The following AMPH variants were observed in gnomAD, a reference collection of about 807,000 sequenced individuals.
AMPH encodes the protein amphiphysin.
In AMPH, 49 loss-of-function variants were observed where a neutral mutation model predicts 99.1. That is an observed-to-expected ratio of 0.49 (90% CI 0.39 to 0.63). AMPH has a LOEUF of 0.63. Ranked by LOEUF, AMPH falls within the 20% of genes least tolerant of loss-of-function variation. AMPH has a pLI of 0.00. For missense variants in AMPH, 759 were observed against 863.4 expected (o/e 0.88, Z 1.52); for synonymous variants, 314 against 317.3 (o/e 0.99, Z 0.11).
chr7:38,438,260 T>C (rs1446633921), intron 11 of AMPH, among the ~76,000 whole-genome samples: 2 of 152,238 alleles, frequency 1.3e-5, no homozygotes, highest in African/African-American at 4.8e-5. Flanking sequence ...TCTTGCCATG[T>C]TCTCCAGACT....
intron 5 of AMPH, among the ~76,000 whole-genome samples, chr7:38,478,046 C>T (rs770052681): frequency 2.1e-5 from 3 of 145,882 alleles, no homozygotes; most frequent in Admixed American, 1.4e-4. Flanking sequence ...AAAACAAGGC[C>T]GGGAAAGGAT....
At chr7:38,391,667 T>C (rs1784498224) in intron 19 of AMPH, 81 bp downstream of exon 19, 3 of 1,458,256 alleles carry the variant, frequency 2.1e-6, no homozygotes, top group Non-Finnish European at 2.8e-6. Context: ...AAAGTAAAAG[T>C]AAAAACTGGA....
chr7:38,541,505 A>G (rs549344159), intron 1 of AMPH, among the ~76,000 whole-genome samples: 1 of 152,202 alleles, frequency 6.6e-6, no homozygotes, highest in Non-Finnish European at 1.5e-5. Flanking sequence ...ATTGTCCTCC[A>G]GCTTCCCCTC....
intron 1 of AMPH, among the ~76,000 whole-genome samples, chr7:38,624,017 G>T (rs1794157163): frequency 6.6e-6 from 1 of 152,102 alleles, no homozygotes; most frequent in African/African-American, 2.4e-5. Context: ...AATTACATTT[G>T]CTGTACTATT....
chr7:38,445,012 C>T (rs1444135535), intron 11 of AMPH, among the ~76,000 whole-genome samples: 2,562 of 132,024 alleles, frequency 0.019, 179 homozygotes, highest in South Asian at 0.055. Flanking sequence ...TATATATATA[C>T]ACACACACAC....
At chr7:38,410,911 A>G (rs1294254152) in intron 17 of AMPH, among the ~76,000 whole-genome samples, 1 of 152,238 alleles carries the variant, frequency 6.6e-6, no homozygotes, top group Non-Finnish European at 1.5e-5. Flanking sequence ...ACATCCATCA[A>G]GTCTAAGCAT....
At chr7:38,525,277 T>TATATATATATATATATAGAGAG (rs1481528083) in intron 2 of AMPH, among the ~76,000 whole-genome samples, 13 of 86,646 alleles carry the variant, frequency 1.5e-4, no homozygotes, top group African/African-American at 4.7e-4. Flanking sequence ...TATATATATA[T>TATATATATATATATATAGAGAG]AGAGAGAGAG....
At chr7:38,543,281 C>A (rs80194825) in intron 1 of AMPH, among the ~76,000 whole-genome samples, 125 of 152,078 alleles carry the variant, frequency 8.2e-4, no homozygotes, top group African/African-American at 2.9e-3. Flanking sequence ...TAAAAAAACG[C>A]TGACCTGCTG....
At chr7:38,536,234 C>A (rs1790594618) in intron 1 of AMPH, among the ~76,000 whole-genome samples, 1 of 151,992 alleles carries the variant, frequency 6.6e-6, no homozygotes, top group South Asian at 2.1e-4. Context: ...TACTTGCTGC[C>A]TTTAAAAAGT....
intron 3 of AMPH, among the ~76,000 whole-genome samples, chr7:38,500,392 CT>C (rs775405113): frequency 1.3e-4 from 20 of 152,298 alleles, no homozygotes; most frequent in Middle Eastern, 3.4e-3. Flanking sequence ...GATAGAATTC[CT>C]TTCTCCGTCA....
At chr7:38,569,707 A>G (rs1791874861) in intron 1 of AMPH, among the ~76,000 whole-genome samples, 1 of 152,172 alleles carries the variant, frequency 6.6e-6, no homozygotes, top group Non-Finnish European at 1.5e-5. Context: ...CAGGGTTTTG[A>G]CAGGTGGGGA....
chr7:38,467,901 A>C (rs950712135), intron 7 of AMPH, among the ~76,000 whole-genome samples: 2 of 152,178 alleles, frequency 1.3e-5, no homozygotes, highest in Non-Finnish European at 2.9e-5. Flanking sequence ...AGAAGTGTCC[A>C]ATTTAAATAG....
chr7:38,402,788 T>A (rs186168013), intron 17 of AMPH, among the ~76,000 whole-genome samples: 1 of 152,228 alleles, frequency 6.6e-6, no homozygotes, highest in African/African-American at 2.4e-5. Flanking sequence ...CAAGGATCCA[T>A]TTATACTTTG....
In AMPH at chr7:38,536,324, C is replaced by T. The variant is rs146614606; in HGVS notation, c.70-1313G>A. Among the ~76,000 whole-genome samples, 8 of 152,274 alleles carry T rather than the reference C, an allele frequency of 5.3e-5. No individual in the cohort carries two copies. In the East Asian group the frequency reaches 1.5e-3, roughly 29 times the overall value. ...GCATAACAAAATAAACAATACACAT[C>T]CCTTTTTTAACTAGACATTTTCATA... On this transcript the variant is annotated intron_variant, in intron 1 of 20. Transcript: ENST00000356264.
At chr7:38,455,243 G>T (rs1486714741) in intron 11 of AMPH, among the ~76,000 whole-genome samples, 1 of 151,940 alleles carries the variant, frequency 6.6e-6, no homozygotes, top group Non-Finnish European at 1.5e-5. Flanking sequence ...GCTAATTTTT[G>T]TATTTTTAGT....
chr7:38,543,966 T>G (rs1790905294), intron 1 of AMPH, among the ~76,000 whole-genome samples: 1 of 152,370 alleles, frequency 6.6e-6, no homozygotes, highest in South Asian at 2.1e-4. Context: ...GATTAATTTT[T>G]TACTCATTAA....
chr7:38,546,195 C>T (rs1347571015), intron 1 of AMPH, among the ~76,000 whole-genome samples: 1 of 152,192 alleles, frequency 6.6e-6, no homozygotes, highest in Non-Finnish European at 1.5e-5. Context: ...CTGAGGCTGC[C>T]TATGTCAGAG....
At chr7:38,535,147 G>A (rs926082692) in intron 1 of AMPH, 136 bp from the exon 2 acceptor site, 2 of 691,122 alleles carry the variant, frequency 2.9e-6, no homozygotes, top group Non-Finnish European at 4.8e-6. Flanking sequence ...TAATTTTTCT[G>A]TTCTGGAAGC....
At chr7:38,452,500 A>G (rs1281049004) in intron 11 of AMPH, among the ~76,000 whole-genome samples, 1 of 152,152 alleles carries the variant, frequency 6.6e-6, no homozygotes, top group East Asian at 1.9e-4. Context: ...ACGTAGCTCG[A>G]CCTATAATCT....
Sources: allele counts gnomAD v4.1 joint callset (sites outside exome capture counted in the v4.1 genomes callset), GRCh38; gene constraint gnomAD v4.1.1; transcripts MANE v1.5; gene names NCBI Gene and HGNC (gene_info 2026-07-23, HGNC 2026-07-21).